The following MBOAT2 variants were observed in gnomAD, a reference collection of about 807,000 sequenced individuals.
The protein encoded by MBOAT2 is membrane bound glycerophospholipid O-acyltransferase 2.
In MBOAT2, 28 loss-of-function variants were observed where a neutral mutation model predicts 63.4. The observed-to-expected ratio is 0.44, with a 90% CI of 0.33 to 0.61. MBOAT2 has a LOEUF of 0.61. Ranked by LOEUF, MBOAT2 falls within the 20% of genes least tolerant of loss-of-function variation. The pLI is 0.03. For synonymous variants in MBOAT2, 211 were observed against 215.6 expected, an observed-to-expected ratio of 0.98 and a Z score of 0.19; for missense variants, 470 against 605.8, an observed-to-expected ratio of 0.78 and a Z score of 2.35.
chr2:8,950,573 G>A (rs533888501), intron 2 of MBOAT2, among the ~76,000 whole-genome samples: 5 of 152,190 alleles, frequency 3.3e-5, no homozygotes, highest in South Asian at 4.1e-4. Flanking sequence ...TACTACAGGC[G>A]CCTGCCACCA....
chr2:8,909,948 C>T (rs1447734673), intron 3 of MBOAT2, among the ~76,000 whole-genome samples: 7 of 152,216 alleles, frequency 4.6e-5, no homozygotes, highest in Non-Finnish European at 5.9e-5. Flanking sequence ...GAGTCTACCT[C>T]GCTGCCCACC....
intron 3 of MBOAT2, among the ~76,000 whole-genome samples, chr2:8,927,441 G>A (rs899790634): frequency 4.6e-5 from 7 of 152,152 alleles, no homozygotes; most frequent in East Asian, 1.9e-4. Context: ...AATGGAAGCC[G>A]AAACCCATCA....
chr2:8,975,432 T>C (rs1197255268), intron 1 of MBOAT2, among the ~76,000 whole-genome samples: 1 of 152,118 alleles, frequency 6.6e-6, no homozygotes, highest in African/African-American at 2.4e-5. Flanking sequence ...CATCTATGCA[T>C]TACTACCAAT....
At chr2:8,936,968 T>C (rs1484373604) in intron 3 of MBOAT2, among the ~76,000 whole-genome samples, 1 of 152,180 alleles carries the variant, frequency 6.6e-6, no homozygotes, top group Non-Finnish European at 1.5e-5. Context: ...GGAAAATATC[T>C]TCCTAATTCC....
chr2:8,909,949 G>A (rs968410896), intron 3 of MBOAT2, among the ~76,000 whole-genome samples: 7 of 152,196 alleles, frequency 4.6e-5, no homozygotes, highest in East Asian at 1.9e-4. Context: ...AGTCTACCTC[G>A]CTGCCCACCT....
At chr2:8,901,380 C>T (rs576875006) in intron 4 of MBOAT2, among the ~76,000 whole-genome samples, 1 of 152,072 alleles carries the variant, frequency 6.6e-6, no homozygotes, top group East Asian at 1.9e-4. Flanking sequence ...GCACCCTTGC[C>T]TGTCCTCCTA....
At chr2:8,953,464 T>C (rs1210783944) in intron 2 of MBOAT2, among the ~76,000 whole-genome samples, 3 of 152,226 alleles carry the variant, frequency 2.0e-5, no homozygotes, top group Non-Finnish European at 4.4e-5. Context: ...TCTGGATTTC[T>C]TATATATGGA....
rs180683193 is a variant in MBOAT2 at position 8,881,324 on chromosome 2, G to T, written c.506+1187C>A. 6.6e-5 allele frequency among the ~76,000 whole-genome samples: 10 copies of T among 152,228 alleles called. No homozygotes were observed. In the East Asian group the frequency reaches 1.9e-3, roughly 29 times the overall value. On this transcript the variant is annotated intron_variant, in intron 6 of 12. Transcript: ENST00000305997. Reference sequence around the variant, plus strand: ...TGCTACCAACATGAGTATGGGGGACGGTGTGTTAGAAGTCTGGGAGGAAGG... The same window carrying T: ...TGCTACCAACATGAGTATGGGGGACTGTGTGTTAGAAGTCTGGGAGGAAGG...
chr2:8,854,210 G>A lies in MBOAT2; in HGVS notation c.*4469C>T, dbSNP rs1025194248. 2.6e-5 allele frequency: 4 copies of A among 152,170 alleles called. No homozygotes were observed. The highest frequency in any genetic ancestry group is 9.7e-5 in the African/African-American group (4 of 41,444). The allele number at this position is 152,170 out of a possible 1,614,324, so 9.4% of individuals were successfully genotyped here. On this transcript the variant is annotated 3_prime_UTR_variant, in exon 13 of 13. Coordinates refer to ENST00000305997, the MANE Select transcript of MBOAT2 (RefSeq NM_138799.4). ...ATCTTTCAAACTCAAATTTCAGGGT[G>A]TATTTCTCTCCTTAAATGCAAATCT...
chr2:8,951,573 G>A (rs1468522203), intron 2 of MBOAT2, among the ~76,000 whole-genome samples: 1 of 152,124 alleles, frequency 6.6e-6, no homozygotes, highest in East Asian at 1.9e-4. Flanking sequence ...TTTTTTTGTG[G>A]TTGGTAGGTT....
chr2:8,961,606 G>C (rs1669606293), intron 1 of MBOAT2, among the ~76,000 whole-genome samples: 1 of 151,892 alleles, frequency 6.6e-6, no homozygotes, highest in Non-Finnish European at 1.5e-5. Context: ...AAAAAAGCTA[G>C]ATATTTCCCA....
Position 8,862,770 on chromosome 2 carries a change from A to G in MBOAT2, c.1053-48T>C, listed in dbSNP as rs765565121. On this transcript the variant is annotated intron_variant, in intron 10 of 12. Transcript: ENST00000305997. This position sits in a 1 kb window ranked among gnomAD's most constrained non-coding sequence, Gnocchi z 4.3. ...AGAGCCAAGTGGAGTGAGTGACCCG[A>G]GTTTACAAAGCCTGCAATGATCATT... 3 of 1,580,148 alleles carry G rather than the reference A, an allele frequency of 1.9e-6. No homozygotes were observed. The Admixed American group carries it at 5.7e-5, about 30-fold the overall frequency.
At chr2:8,939,020 T>A (rs1438963776) in intron 3 of MBOAT2, among the ~76,000 whole-genome samples, 1 of 152,174 alleles carries the variant, frequency 6.6e-6, no homozygotes, top group Non-Finnish European at 1.5e-5. Flanking sequence ...CCTCCTGCCA[T>A]ACTGAACTCC....
chr2:8,982,764 T>TACTA (rs1404179456), intron 1 of MBOAT2, among the ~76,000 whole-genome samples: 14 of 152,176 alleles, frequency 9.2e-5, no homozygotes, highest in African/African-American at 3.4e-4. Context: ...CTGTACCAGG[T>TACTA]GCTAGAGATG....
intron 6 of MBOAT2, among the ~76,000 whole-genome samples, chr2:8,882,099 C>T (rs1468806200): frequency 6.6e-6 from 1 of 152,150 alleles, no homozygotes; most frequent in Non-Finnish European, 1.5e-5. Flanking sequence ...CATCGATGTG[C>T]TATATTAATG....
chr2:8,930,010 A>C (rs1415032762), intron 3 of MBOAT2, among the ~76,000 whole-genome samples: 4 of 152,222 alleles, frequency 2.6e-5, no homozygotes, highest in Non-Finnish European at 4.4e-5. Flanking sequence ...TGAAACTAAA[A>C]GGAATGTTAA....
intron 3 of MBOAT2, among the ~76,000 whole-genome samples, chr2:8,940,250 A>G (rs1206008225): frequency 6.6e-6 from 1 of 152,146 alleles, no homozygotes; most frequent in East Asian, 1.9e-4. Context: ...GAACAGGAAG[A>G]AAGTCAATGC....
In MBOAT2 at chr2:8,984,541, G is replaced by GCTCC. The variant is rs1318775237; in HGVS notation, c.75+18998_75+18999insGGAG. ...AAAAGGGTGTTCCTTAAGTGGGAGC[G>GCTCC]CAAGTGGCTTTCATCATCCTCTAAA... On this transcript the variant is annotated intron_variant, in intron 1 of 12. Transcript: ENST00000305997. Among the ~76,000 whole-genome samples the GCTCC allele has an allele frequency of 2.6e-5, 4 of 152,146 alleles. No individual in the cohort carries two copies. The East Asian group carries it at 7.7e-4, about 29-fold the overall frequency.
At chr2:8,864,383 A>AATGTGGT (rs1572912306) in intron 9 of MBOAT2, 149 bp from the exon 10 acceptor site, 1 of 450,974 alleles carries the variant, frequency 2.2e-6, no homozygotes, top group East Asian at 4.0e-5. Flanking sequence ...TTGTTTTTCT[A>AATGTGGT]ATGTGGTAAC....
Sources: gnomAD v4.1 joint callset for allele counts (sites outside exome capture counted in the v4.1 genomes callset) on GRCh38, gnomAD v4.1.1 for gene constraint, Gnocchi (gnomAD v3.1) non-coding constraint, MANE v1.5 for transcripts, NCBI Gene and HGNC (gene_info 2026-07-23, HGNC 2026-07-21) for gene names.